FAM53A: variants seen among roughly 807,000 people sequenced by gnomAD.
FAM53A encodes the protein family with sequence similarity 53 member A, also known as protein FAM53A.
Under a neutral mutation model 26.6 loss-of-function variants are expected in FAM53A, and 28 were observed. That is an observed-to-expected ratio of 1.05 (90% CI 0.78 to 1.45). The LOEUF (loss-of-function observed/expected upper bound fraction) is 1.45, where lower values mean the gene tolerates loss of function less well. Among genes scored for constraint, FAM53A ranks in the 40% most tolerant of loss-of-function variants. FAM53A has a pLI of 0.00. For synonymous variants in FAM53A, 290 were observed against 253.1 expected (o/e 1.15, Z -1.38); for missense variants, 650 against 575.8 (o/e 1.13, Z -1.32).
At chr4:1,645,300 C>A (rs1287365821) in intron 4 of FAM53A, among the ~76,000 whole-genome samples, 1 of 152,230 alleles carries the variant, frequency 6.6e-6, no homozygotes, top group Admixed American at 6.5e-5. Flanking sequence ...GTGTGTCAGG[C>A]GAGGAGGCCA....
the FAM53A span, among the ~76,000 whole-genome samples, chr4:1,598,406 G>A: frequency 6.6e-6 from 1 of 152,258 alleles, no homozygotes; most frequent in African/African-American, 2.4e-5. Flanking sequence ...TGGTTGAGGG[G>A]CTGCCTGGAT....
At chr4:1,652,032 CCACA>C (rs1416744696) in intron 4 of FAM53A, among the ~76,000 whole-genome samples, 1 of 77,510 alleles carries the variant, frequency 1.3e-5, no homozygotes, top group African/African-American at 4.0e-5. Context: ...ACCACACACG[CCACA>C]CACACACCAC....
At chr4:1,644,538 G>A in intron 4 of FAM53A, 1 of 674,892 alleles carries the variant, frequency 1.5e-6, no homozygotes, top group South Asian at 2.5e-5. Flanking sequence ...ATGCTGGCCT[G>A]GACTGCGCCA....
chr4:1,680,554 C>G (rs187568768), intron 1 of FAM53A, among the ~76,000 whole-genome samples: 66 of 152,128 alleles, frequency 4.3e-4, no homozygotes, highest in Non-Finnish European at 6.5e-4. Context: ...TCCATAAGTG[C>G]CAAAACTTGG....
the FAM53A span, among the ~76,000 whole-genome samples, chr4:1,594,043 C>G: frequency 6.6e-6 from 1 of 152,166 alleles, no homozygotes; most frequent in Non-Finnish European, 1.5e-5. Context: ...CTCCCGGGGC[C>G]AAGGGTGAGC....
chr4:1,591,192 T>C, the FAM53A span, among the ~76,000 whole-genome samples: 1 of 151,984 alleles, frequency 6.6e-6, no homozygotes, highest in African/African-American at 2.4e-5. Flanking sequence ...TCTGTGCCCT[T>C]TCTCCTTTAA....
the FAM53A span, among the ~76,000 whole-genome samples, chr4:1,581,476 A>G: frequency 5.3e-5 from 8 of 152,246 alleles, no homozygotes; most frequent in Non-Finnish European, 8.8e-5. Context: ...TTTCTTAAAT[A>G]TTTAACTGTT....
chr4:1,599,293 C>T, the FAM53A span, among the ~76,000 whole-genome samples: 25 of 151,886 alleles, frequency 1.6e-4, no homozygotes, highest in African/African-American at 6.0e-4. This position sits in a 1 kb window ranked among gnomAD's most constrained non-coding sequence, Gnocchi z 6.1. Context: ...TGCCGGAGCT[C>T]AGGGCCGTCA....
At chr4:1,657,299 C>G in intron 3 of FAM53A, 109 bp downstream of exon 3, 2 of 1,024,626 alleles carry the variant, frequency 2.0e-6, no homozygotes, top group Non-Finnish European at 2.9e-6. Context: ...CGAACACCTT[C>G]CTGGGCTTCT....
intron 1 of FAM53A, among the ~76,000 whole-genome samples, chr4:1,675,222 C>T (rs963177103): frequency 1.3e-5 from 2 of 152,142 alleles, no homozygotes; most frequent in Non-Finnish European, 2.9e-5. Flanking sequence ...ACCTGGCTCC[C>T]GCTGCCAGAA....
chr4:1,660,099 A>G (rs1025357825), intron 2 of FAM53A, among the ~76,000 whole-genome samples: 1 of 152,110 alleles, frequency 6.6e-6, no homozygotes, highest in East Asian at 1.9e-4. Flanking sequence ...CGTGGCCAAC[A>G]TGGTGAAACC....
chr4:1,581,248 G>C, the FAM53A span, among the ~76,000 whole-genome samples: 1 of 147,042 alleles, frequency 6.8e-6, no homozygotes, highest in African/African-American at 2.5e-5. Context: ...CCTCCACTCA[G>C]GGCCCCGCTT....
chr4:1,602,596 G>C, the FAM53A span, among the ~76,000 whole-genome samples: 1 of 152,194 alleles, frequency 6.6e-6, no homozygotes, highest in South Asian at 2.1e-4. Context: ...AATGTGGTTT[G>C]AAAAATTGAC....
the FAM53A span, among the ~76,000 whole-genome samples, chr4:1,578,174 C>G: frequency 3.3e-5 from 5 of 152,220 alleles, no homozygotes; most frequent in Non-Finnish European, 7.3e-5. Flanking sequence ...CCCAGACCGG[C>G]ACGATGTCCA....
chr4:1,582,701 A>G, the FAM53A span, among the ~76,000 whole-genome samples: 1 of 152,170 alleles, frequency 6.6e-6, no homozygotes, highest in Non-Finnish European at 1.5e-5. Context: ...ACAAAAACAA[A>G]AATTAGCCAG....
intron 4 of FAM53A, among the ~76,000 whole-genome samples, chr4:1,642,441 G>A (rs73795191): frequency 0.073 from 11,067 of 150,998 alleles, 1,152 homozygotes; most frequent in African/African-American, 0.23. Flanking sequence ...TCTGCCCCCC[G>A]GCTATATCTC....
the FAM53A span, among the ~76,000 whole-genome samples, chr4:1,609,933 A>G: frequency 6.6e-6 from 1 of 152,116 alleles, no homozygotes; most frequent in Non-Finnish European, 1.5e-5. Context: ...ACTGCACTCC[A>G]GACTGGGCAA....
chr4:1,651,547 AG>A (rs1003967399), intron 4 of FAM53A, among the ~76,000 whole-genome samples: 2 of 147,424 alleles, frequency 1.4e-5, no homozygotes, highest in Non-Finnish European at 3.0e-5. Flanking sequence ...AAAAAAAAAA[AG>A]ATGGAGATTA....
intron 4 of FAM53A, 135 bp downstream of exon 4, chr4:1,654,843 C>G: frequency 1.6e-6 from 2 of 1,266,564 alleles, no homozygotes; most frequent in Admixed American, 6.6e-5. Context: ...TGGCTCTCCT[C>G]ACTCCTTTCC....
Sources: gnomAD v4.1 joint callset for allele counts (sites outside exome capture counted in the v4.1 genomes callset) on GRCh38, gnomAD v4.1.1 for gene constraint, Gnocchi (gnomAD v3.1) non-coding constraint, MANE v1.5 for transcripts, NCBI Gene and HGNC (gene_info 2026-07-23, HGNC 2026-07-21) for gene names.